The following MRPL19 variants were observed in gnomAD, a reference collection of about 807,000 sequenced individuals.
MRPL19 encodes the protein mitochondrial ribosomal protein L19.
In MRPL19, 31 loss-of-function variants were observed where a neutral mutation model predicts 34.0. The observed-to-expected ratio is 0.91, with a 90% CI of 0.68 to 1.23. MRPL19 has a LOEUF of 1.23. Ranked by LOEUF, MRPL19 falls within the 50% of genes most tolerant of loss-of-function variation. The probability of loss-of-function intolerance (pLI) is 0.00; values close to 1 mark genes in which losing one functional copy is unlikely to be tolerated. For synonymous variants in MRPL19, 152 were observed against 127.7 expected (o/e 1.19, Z -1.28); for missense variants, 384 against 367.6 (o/e 1.04, Z -0.37).
intron 2 of MRPL19, 178 bp from the exon 3 acceptor site, chr2:75,651,964 T>A: frequency 2.2e-6 from 1 of 461,720 alleles, no homozygotes; most frequent in East Asian, 3.8e-5. Flanking sequence ...AGGTGAGTAC[T>A]CAGGAATTGT....
At chr2:75,651,993 T>C in intron 2 of MRPL19, 149 bp from the exon 3 acceptor site, 1 of 508,526 alleles carries the variant, frequency 2.0e-6, no homozygotes, top group Non-Finnish European at 3.5e-6. Context: ...TTCATGAGCA[T>C]TAACAATTTT....
chr2:75,655,230 C>G lies in MRPL19; in HGVS notation c.824C>G (p.Thr275Ser). The change falls in exon 6 of 6, where the codon ACT becomes AGT. Residue 275 changes from threonine to serine, a missense_variant. Thr to Ser is a moderately conservative substitution (Grantham distance 58). Coordinates refer to ENST00000393909, the MANE Select transcript of MRPL19 (RefSeq NM_014763.4). ...TTTGATATGATGAGGGAATATGATA[C>G]TTCAAAAATTGAAGCTGCAATATGG... ...LEFDMMREYDTSKIEAAIWKE... is the reference protein window; with the variant it reads ...LEFDMMREYDSSKIEAAIWKE... 1.2e-6 allele frequency: 2 copies of G among 1,613,068 alleles called. No homozygotes were observed. Among genetic ancestry groups the G allele is most frequent in the Non-Finnish European group, 1.7e-6 (2 of 1,179,648 alleles).
intron 1 of MRPL19, 60 bp downstream of exon 1, chr2:75,646,970 A>C: frequency 6.7e-7 from 1 of 1,496,576 alleles, no homozygotes; most frequent in Non-Finnish European, 9.0e-7. Flanking sequence ...AGGATGGGGG[A>C]GGCGAACCTG....
At position 75,655,186 on chromosome 2, in the gene MRPL19, G is replaced by C. The variant is rs1678419286; in HGVS notation, c.780G>C (p.Trp260Cys). 6.2e-7 allele frequency: 1 copy of C among 1,613,276 alleles called. No homozygotes were observed. Among genetic ancestry groups the C allele is most frequent in the Non-Finnish European group, 8.5e-7 (1 of 1,179,580 alleles). ...AGCAAATGAAAGAAGCTCAGAAGTGGAATCAGCCATGGCTTGAATTTGATA... is the reference window on the plus strand; with the variant it reads ...AGCAAATGAAAGAAGCTCAGAAGTGCAATCAGCCATGGCTTGAATTTGATA... ...TEQQMKEAQK[W>C]NQPWLEFDMM... Residue 260 changes from tryptophan to cysteine, a missense_variant, in exon 6 of 6, where the codon TGG becomes TGC. Trp to Cys is a radical substitution (Grantham distance 215). Transcript: ENST00000393909.
rs1678528454 is a variant in MRPL19, at chr2:75,658,785, C to A, written c.*3500C>A. ...AAAATATTTATCATGCTATTGTTGA[C>A]TGTAGTTTTCTATATGTCTCTTAGG... On this transcript the variant is annotated 3_prime_UTR_variant, in exon 6 of 6. Transcript: ENST00000393909. Among the ~76,000 whole-genome samples, 1 of 152,056 alleles carries A rather than the reference C, an allele frequency of 6.6e-6. No individual in the cohort carries two copies. Among genetic ancestry groups the A allele is most frequent in the Non-Finnish European group, 1.5e-5 (1 of 67,984 alleles).
intron 2 of MRPL19, among the ~76,000 whole-genome samples, chr2:75,648,796 G>A (rs1265519537): frequency 6.6e-6 from 1 of 152,140 alleles, no homozygotes; most frequent in Non-Finnish European, 1.5e-5. Flanking sequence ...TTGAACACAG[G>A]ATGCCGAGGT....
Position 75,656,066 on chromosome 2 carries a change from A to C in MRPL19, c.*781A>C, listed in dbSNP as rs1678445045. ...GTGAGTTCTGCTAAACAGAAGGCTC[A>C]CCACAAGGTATCTGGCAGGATTATA... On this transcript the variant is annotated 3_prime_UTR_variant, in exon 6 of 6. Coordinates refer to ENST00000393909, the MANE Select transcript of MRPL19 (RefSeq NM_014763.4). 6.6e-6 allele frequency: 1 copy of C among 152,206 alleles called. No homozygotes were observed. The highest frequency in any genetic ancestry group is 1.5e-5 in the Non-Finnish European group (1 of 68,042). The allele number at this position is 152,206 out of a possible 1,614,324, so 9.4% of individuals were successfully genotyped here. A position where few individuals can be genotyped will look rare whatever the true frequency, so the allele number is the denominator to read the frequency against.
In MRPL19 at chr2:75,646,929, G is replaced by C; in HGVS notation, c.103+19G>C. On this transcript the variant is annotated intron_variant, in intron 1 of 5. Transcript: ENST00000393909. ...GCCTGCAGTAAGTGGAGCCGGACTTGCGAGCTGGGGCGCGTTAGGGGCCCA... is the reference window on the plus strand; with the variant it reads ...GCCTGCAGTAAGTGGAGCCGGACTTCCGAGCTGGGGCGCGTTAGGGGCCCA... 2 of 1,552,042 alleles carry C rather than the reference G, an allele frequency of 1.3e-6. No homozygotes were observed. The highest frequency in any genetic ancestry group is 2.0e-5 in the Admixed American group (1 of 50,400).
At chr2:75,648,833 C>T (rs555996285) in intron 2 of MRPL19, among the ~76,000 whole-genome samples, 1 of 152,324 alleles carries the variant, frequency 6.6e-6, no homozygotes, top group Admixed American at 6.5e-5. Flanking sequence ...CGTGCCACTG[C>T]ACTCCAGCCT....
intron 2 of MRPL19, chr2:75,651,474 GCAGT>G (rs1678331419): frequency 1.9e-6 from 1 of 530,246 alleles, no homozygotes; most frequent in African/African-American, 1.9e-5. Context: ...AAGAGCTAGT[GCAGT>G]CATATACCAT....
intron 4 of MRPL19, among the ~76,000 whole-genome samples, chr2:75,654,440 C>G (rs990249014): frequency 1.2e-4 from 19 of 152,160 alleles, no homozygotes; most frequent in African/African-American, 4.3e-4. Flanking sequence ...CAGACTTTCT[C>G]TGAAGTTACT....
Position 75,652,574 on chromosome 2 carries a change from G to A in MRPL19, c.392G>A (p.Ser131Asn). The change falls in exon 4 of 6, where the codon AGC becomes AAC. Residue 131 changes from serine (S) to asparagine (N), a missense_variant. Coordinates refer to ENST00000393909, the MANE Select transcript of MRPL19 (RefSeq NM_014763.4). Reference protein sequence around the residue: ...TADPYASGKISQFLGICIQRS... With the variant: ...TADPYASGKINQFLGICIQRS... Reference sequence around the variant, plus strand: ...GACCCATATGCCAGTGGAAAAATCAGCCAGTTTCTGGGGATTTGCATTCAG... The same window carrying A: ...GACCCATATGCCAGTGGAAAAATCAACCAGTTTCTGGGGATTTGCATTCAG... 1 of 1,613,856 alleles carries A rather than the reference G, an allele frequency of 6.2e-7. No homozygotes were observed. The highest frequency in any genetic ancestry group is 2.2e-5 in the East Asian group (1 of 44,854).
rs946877648 is a variant in MRPL19, at chr2:75,656,673, G to A, written c.*1388G>A. The A allele has an allele frequency of 6.6e-6, 1 of 152,000 alleles. No individual in the cohort carries two copies. The highest frequency in any genetic ancestry group is 2.4e-5 in the African/African-American group (1 of 41,384). The allele number at this position is 152,000 out of a possible 1,614,324, so 9.4% of individuals were successfully genotyped here. On this transcript the variant is annotated 3_prime_UTR_variant, in exon 6 of 6. Coordinates refer to ENST00000393909, the MANE Select transcript of MRPL19 (RefSeq NM_014763.4). ...TTCTTTGTTTCTATTGTTGTATTGAGAAATCCAATGCCATTTTGATTTCCC... is the reference window on the plus strand; with the variant it reads ...TTCTTTGTTTCTATTGTTGTATTGAAAAATCCAATGCCATTTTGATTTCCC...
rs1678595526 is a variant in MRPL19, at chr2:75,660,845, A to C, written c.*5560A>C. The C allele has an allele frequency of 6.6e-6, 1 of 152,232 alleles. No homozygotes were observed. The highest frequency in any genetic ancestry group is 2.4e-5 in the African/African-American group (1 of 41,454). 9.4% of individuals were successfully genotyped at this position (152,232 alleles called of 1,614,324 possible). Reference sequence around the variant, plus strand: ...TTGCTGTGTATGCACGTAGTTTTCTAAATCTCCCTGTATGTGCTGTTGAAT... The same window carrying C: ...TTGCTGTGTATGCACGTAGTTTTCTCAATCTCCCTGTATGTGCTGTTGAAT... On this transcript the variant is annotated 3_prime_UTR_variant, in exon 6 of 6. Coordinates refer to ENST00000393909, the MANE Select transcript of MRPL19 (RefSeq NM_014763.4).
In MRPL19 at chr2:75,654,924, G is replaced by T; in HGVS notation, c.657+7G>T. On this transcript the variant is annotated splice_region_variant and intron_variant, in intron 5 of 5. Transcript: ENST00000393909. ...AAAAGTTCCTGTTAATGAGGTATGG[G>T]TTATACATTTGAAACTAGAAGTTCA... 6.3e-7 allele frequency: 1 copy of T among 1,587,304 alleles called. No homozygotes were observed. Among genetic ancestry groups the T allele is most frequent in the Non-Finnish European group, 8.5e-7 (1 of 1,170,370 alleles).
In MRPL19 at chr2:75,647,228, C is replaced by T. The variant is rs546128151; in HGVS notation, c.221+9C>T. The T allele has an allele frequency of 2.0e-5, 32 of 1,574,188 alleles. No homozygotes were observed. The East Asian group carries it at 6.8e-4, about 33-fold the overall frequency. On this transcript the variant is annotated intron_variant, in intron 2 of 5. Coordinates refer to ENST00000393909, the MANE Select transcript of MRPL19 (RefSeq NM_014763.4). ...GTGGAACCGGAACGCAGGTGAGGCACTGCCCTGGCGCTAGGCCGGCAACTG... is the reference window on the plus strand; with the variant it reads ...GTGGAACCGGAACGCAGGTGAGGCATTGCCCTGGCGCTAGGCCGGCAACTG...
At chr2:75,651,152 A>G (rs1678323306) in intron 2 of MRPL19, 1 of 344,626 alleles carries the variant, frequency 2.9e-6, no homozygotes, top group Non-Finnish European at 5.7e-6. Flanking sequence ...GGCAAGGTGC[A>G]TCCCTGGGCC....
rs940039027 is a variant in MRPL19, at chr2:75,654,945, G to A, written c.657+28G>A. ...ATGGGTTATACATTTGAAACTAGAA[G>A]TTCAAGTATAAAATAAGAAAGAAAG... On this transcript the variant is annotated intron_variant, in intron 5 of 5. Coordinates refer to ENST00000393909, the MANE Select transcript of MRPL19 (RefSeq NM_014763.4). 14 of 1,561,442 alleles carry A rather than the reference G, an allele frequency of 9.0e-6. No homozygotes were observed. The African/African-American group carries it at 1.7e-4, about 19-fold the overall frequency.
At chr2:75,653,908 C>CA (rs1678382006) in intron 4 of MRPL19, among the ~76,000 whole-genome samples, 1 of 152,110 alleles carries the variant, frequency 6.6e-6, no homozygotes, top group Non-Finnish European at 1.5e-5. Flanking sequence ...GCACAGTCTC[C>CA]AAAAAATATA....
Sources: allele counts gnomAD v4.1 joint callset (sites outside exome capture counted in the v4.1 genomes callset), GRCh38; gene constraint gnomAD v4.1.1; transcripts MANE v1.5; gene names NCBI Gene and HGNC (gene_info 2026-07-23, HGNC 2026-07-21).